Variants in HEATR4 observed in about 807,000 individuals in gnomAD.
HEATR4 encodes HEAT repeat containing 4.
Under a neutral mutation model 108.8 loss-of-function variants are expected in HEATR4, and 95 were observed. That is an observed-to-expected ratio of 0.87 (90% CI 0.74 to 1.04). The LOEUF is 1.04. Among genes scored for constraint, HEATR4 ranks in the 50% least tolerant of loss-of-function variants. The pLI, the probability that HEATR4 is intolerant of heterozygous loss-of-function variation, is 0.00. For synonymous variants in HEATR4, 443 were observed against 459.4 expected, an observed-to-expected ratio of 0.96 and a Z score of 0.46; for missense variants, 1,152 against 1,253.8, an observed-to-expected ratio of 0.92 and a Z score of 1.23.
At chr14:73,586,164 C>G in the HEATR4 span, among the ~76,000 whole-genome samples, 2 of 151,750 alleles carry the variant, frequency 1.3e-5, no homozygotes, top group Admixed American at 6.6e-5. Context: ...GAGGCCGAGG[C>G]GAGTGGATCA....
chr14:73,601,300 A>T, the HEATR4 span, among the ~76,000 whole-genome samples: 2 of 152,006 alleles, frequency 1.3e-5, no homozygotes, highest in Non-Finnish European at 2.9e-5. Context: ...GTGGTGGCTC[A>T]TGCCTGTAAT....
rs1419689046 is a variant in HEATR4 at position 73,533,240 on chromosome 14, C to CT, written c.-151-2997dup. 8.7e-5 allele frequency among the ~76,000 whole-genome samples: 10 copies of CT among 114,990 alleles called. 4 individuals carry two copies. The highest frequency in any genetic ancestry group is 7.9e-4 in the Admixed American group (8 of 10,178). The allele number at this position is 114,990 out of a possible 152,430, so 75.4% of individuals were successfully genotyped here. A position where few individuals can be genotyped will look rare whatever the true frequency, so the allele number is the denominator to read the frequency against. ...TATCCAAAAGAATTGAAAGCAGGGA[C>CT]TTTAACAGATATTTGTATACCCATG... On this transcript the variant is annotated intron_variant, in intron 1 of 17. Transcript: ENST00000553558.
At chr14:73,594,004 A>C in the HEATR4 span, 1 of 1,113,618 alleles carries the variant, frequency 9.0e-7, no homozygotes, top group Non-Finnish European at 1.3e-6. Context: ...TTCCTCTTTC[A>C]CAAAGATGTC....
chr14:73,575,099 G>A, the HEATR4 span: 1 of 1,399,074 alleles, frequency 7.1e-7, no homozygotes, highest in Non-Finnish European at 9.8e-7. Flanking sequence ...GCATCAAGGT[G>A]ACCAAAGATG....
upstream of HEATR4, among the ~76,000 whole-genome samples, chr14:73,560,031 A>C (rs1411764139): frequency 3.3e-5 from 5 of 152,110 alleles, no homozygotes; most frequent in Admixed American, 2.0e-4. Flanking sequence ...CATTAACACT[A>C]GCTTTTACAA....
chr14:73,505,583 A>G (rs529232951), intron 10 of HEATR4, among the ~76,000 whole-genome samples: 27 of 151,994 alleles, frequency 1.8e-4, no homozygotes, highest in African/African-American at 6.5e-4. Flanking sequence ...TTTAGTACAG[A>G]TAGGATTTCA....
chr14:73,524,936 G>A lies in HEATR4; in HGVS notation c.-72-1712C>T, dbSNP rs1285326486. 2.0e-5 allele frequency among the ~76,000 whole-genome samples: 3 copies of A among 152,054 alleles called. No individual in the cohort carries two copies. In the East Asian group the frequency reaches 5.8e-4, roughly 29 times the overall value. ...CCAGCACATAGCCTCTCTCCCTAGG[G>A]CATGATTTCTCTTACTGTCTTCCAT... is the stretch of plus-strand genomic sequence containing the variant. On this transcript the variant is annotated intron_variant, in intron 2 of 17. Coordinates refer to ENST00000553558, the MANE Select transcript of HEATR4 (RefSeq NM_001220484.1).
At chr14:73,623,003 G>A in the HEATR4 span, among the ~76,000 whole-genome samples, 17 of 151,906 alleles carry the variant, frequency 1.1e-4, no homozygotes, top group East Asian at 1.6e-3. Context: ...TCCGCCTCCC[G>A]GGTTCAAGCG....
intron 2 of HEATR4, among the ~76,000 whole-genome samples, chr14:73,529,354 C>CAAAAAA (rs10605851): frequency 1.1e-5 from 1 of 87,422 alleles, no homozygotes; most frequent in African/African-American, 4.5e-5. Context: ...GACTCTGTCT[C>CAAAAAA]AAAAAAAAAA....
At chr14:73,593,205 C>T in the HEATR4 span, among the ~76,000 whole-genome samples, 8 of 152,162 alleles carry the variant, frequency 5.3e-5, no homozygotes, top group Admixed American at 3.3e-4. Flanking sequence ...TCACCTAAAA[C>T]CATCTCTGGG....
the HEATR4 span, among the ~76,000 whole-genome samples, chr14:73,587,765 C>T: frequency 7.9e-5 from 12 of 152,308 alleles, no homozygotes; most frequent in East Asian, 1.9e-4. Context: ...CTTGTTTCCA[C>T]GGGACCTCCC....
At chr14:73,615,389 A>T in the HEATR4 span, among the ~76,000 whole-genome samples, 192 of 78,912 alleles carry the variant, frequency 2.4e-3, 2 homozygotes, top group South Asian at 4.2e-3. Context: ...TCTGTCTGAT[A>T]AAAAAAAAAA....
chr14:73,548,382 G>A (rs1437688668), intron 1 of HEATR4, among the ~76,000 whole-genome samples: 2 of 114,864 alleles, frequency 1.7e-5, no homozygotes, highest in Non-Finnish European at 3.8e-5. Flanking sequence ...AAGAGGCAGC[G>A]GAACTAGGAG....
At chr14:73,628,685 G>T in the HEATR4 span, among the ~76,000 whole-genome samples, 3 of 151,900 alleles carry the variant, frequency 2.0e-5, no homozygotes, top group Non-Finnish European at 4.4e-5. Flanking sequence ...CCCGGGAGGT[G>T]GAGGTTTCAG....
chr14:73,514,441 T>C (rs2140285135), intron 5 of HEATR4, among the ~76,000 whole-genome samples: 1 of 152,148 alleles, frequency 6.6e-6, no homozygotes, highest in South Asian at 2.1e-4. Context: ...TGGTAAGCCA[T>C]GATGATGATG....
intron 2 of HEATR4, among the ~76,000 whole-genome samples, chr14:73,526,047 A>C (rs933098570): frequency 1.3e-5 from 2 of 152,044 alleles, no homozygotes; most frequent in Non-Finnish European, 2.9e-5. Context: ...GAGGCACTGA[A>C]GAGGGTGGGA....
rs869167008 is a variant in HEATR4, at chr14:73,535,469, CTTTTTTTTTTTTTTTTTTTTTTTTTT to C, written c.-151-5251_-151-5226del. On this transcript the variant is annotated intron_variant, in intron 1 of 17. Coordinates refer to ENST00000553558, the MANE Select transcript of HEATR4 (RefSeq NM_001220484.1). The stretch of plus-strand genomic sequence containing the variant: ...CCTTTTTCTTTTCTTTTTCTTCTTT[CTTTTTTTTTTTTTTTTTTTTTTTTTT>C]TTTTTTTTTTTTGCCCAGGCTGGAG... Among the ~76,000 whole-genome samples the C allele has an allele frequency of 6.0e-4, 10 of 16,538 alleles. 2 individuals carry two copies. The Admixed American group carries it at 0.011, about 18-fold the overall frequency. 10.8% of individuals were successfully genotyped at this position (16,538 alleles called of 152,430 possible).
At chr14:73,602,198 C>T in the HEATR4 span, among the ~76,000 whole-genome samples, 3 of 152,114 alleles carry the variant, frequency 2.0e-5, no homozygotes, top group African/African-American at 7.2e-5. Context: ...CTCGGCCTCC[C>T]AAAGTGCTGG....
chr14:73,503,394 C>G (rs1354143099), intron 10 of HEATR4, among the ~76,000 whole-genome samples: 1 of 152,200 alleles, frequency 6.6e-6, no homozygotes, highest in Non-Finnish European at 1.5e-5. Flanking sequence ...GCCTGGGACT[C>G]TCCTGGTTTT....
Sources: allele counts gnomAD v4.1 joint callset (sites outside exome capture counted in the v4.1 genomes callset), GRCh38; gene constraint gnomAD v4.1.1; transcripts MANE v1.5; gene names NCBI Gene and HGNC (gene_info 2026-07-23, HGNC 2026-07-21).